NODAL: variants seen among roughly 807,000 people sequenced by gnomAD.
The protein encoded by NODAL is nodal homolog.
A neutral mutation model predicts 34.0 loss-of-function variants in NODAL; 12 were observed. The ratio of observed to expected loss-of-function variants is 0.35; its 90% CI spans 0.23 to 0.57. The LOEUF is 0.57. NODAL is among the 20% of genes least tolerant of loss of function. The pLI is 0.83. For synonymous variants in NODAL, 162 were observed against 186.4 expected (o/e 0.87, Z 1.07); for missense variants, 390 against 444.2 (o/e 0.88, Z 1.10).
intron 1 of NODAL, among the ~76,000 whole-genome samples, chr10:70,439,767 G>A (rs188426006): frequency 1.4e-3 from 207 of 152,282 alleles, no homozygotes; most frequent in African/African-American, 4.7e-3. Context: ...TGTGCCACAT[G>A]CCGCTGTACA....
At chr10:70,442,174 GT>G (rs1217297856), upstream of NODAL, among the ~76,000 whole-genome samples, 3 of 152,236 alleles carry the variant, frequency 2.0e-5, no homozygotes, top group African/African-American at 4.8e-5. Flanking sequence ...CCTGGCCACT[GT>G]CTAGATGGCC....
chr10:70,436,040 A>G, intron 1 of NODAL, 57 bp from the exon 2 acceptor site: 1 of 1,437,110 alleles, frequency 7.0e-7, no homozygotes, highest in Non-Finnish European at 9.8e-7. Flanking sequence ...CCCCAGCCTC[A>G]GTCAGTGTCA....
intron 2 of NODAL, chr10:70,434,851 C>T (rs969070394): frequency 5.0e-6 from 1 of 200,116 alleles, no homozygotes; most frequent in Admixed American, 5.3e-5. Flanking sequence ...CATTGCCCTC[C>T]TCATCTTACA....
rs138195571 is a variant in NODAL at position 70,435,961 on chromosome 10, G to T, written c.216C>A (p.Asn72Lys). 2.5e-6 allele frequency: 4 copies of T among 1,614,050 alleles called. No homozygotes were observed. The Admixed American group carries it at 5.0e-5, about 20-fold the overall frequency. ...QAEDVAVDGQ[N>K]WTFAFDFSFL... ...AGGAGAAGTCAAAAGCAAACGTCCA[G>T]TTCTGCCCATCCACTGCCACATCTG... is the stretch of plus-strand genomic sequence containing the variant. The change falls in exon 2 of 3, where the codon AAC (asparagine) becomes AAA (lysine). Residue 72 changes from asparagine (N) to lysine (K), a missense_variant. Asn to Lys is a moderately conservative substitution (Grantham distance 94). Transcript: ENST00000287139.
At chr10:70,434,892 C>T in intron 2 of NODAL, 1 of 202,908 alleles carries the variant, frequency 4.9e-6, no homozygotes, top group Non-Finnish European at 1.0e-5. Context: ...AGAGAATAAG[C>T]AACCTAAACA....
At position 70,447,802 on chromosome 10, in the gene NODAL, T is replaced by C. The variant is rs192557978; in HGVS notation, c.28+122A>G. 14 of 455,070 alleles carry C rather than the reference T, an allele frequency of 3.1e-5. 1 individual carries two copies. In the Admixed American group the frequency reaches 3.4e-4, roughly 11 times the overall value. 28.2% of individuals were successfully genotyped at this position (455,070 alleles called of 1,614,324 possible). The stretch of plus-strand genomic sequence containing the variant: ...CCTAGGAGCAGGGGTGACCCCTGAC[T>C]CCTTTCTCTCTGAGGCCCCAGCCCC... On this transcript the variant is annotated intron_variant, in intron 1 of 2. Transcript: ENST00000414871.
chr10:70,447,077 T>TC (rs111518997), intron 1 of NODAL, among the ~76,000 whole-genome samples: 53,969 of 132,856 alleles, frequency 0.41, 11,442 homozygotes, highest in East Asian at 0.63. Context: ...TTCTTCTTCT[T>TC]TTTTTTTTTT....
rs757195390 is a variant in NODAL at position 70,435,496 on chromosome 10, C to T, written c.681G>A (p.Leu227=). The T allele has an allele frequency of 2.5e-6, 4 of 1,614,160 alleles. No individual in the cohort carries two copies. Among genetic ancestry groups the T allele is most frequent in the Non-Finnish European group, 3.4e-6 (4 of 1,180,044 alleles). The change falls in exon 2 of 3, where the codon CTG becomes CTA. Residue 227 remains leucine (L), a synonymous_variant. Coordinates refer to ENST00000287139, the MANE Select transcript of NODAL (RefSeq NM_018055.5). ...GGTGCCTCTTGCCCCACTCCCAGGA[C>T]AGCTGTCCCTCCTGGGCCCGCCAGG... ...ESSWRAQEGQ[L]SWEWGKRHRR...
rs1441391199 is a variant in NODAL, at chr10:70,441,615, T to G, written c.53A>C (p.Gln18Pro). The change falls in exon 1 of 3, where the codon CAG becomes CCG. Residue 18 changes from glutamine (Q) to proline (P), a missense_variant. Transcript: ENST00000287139. ...AGTGGCCACCGTCGCAGCACCCGCC[T>G]GGAGTAGGGCCCACCAGGCGTGCAG... ...FLLHAWWALLQAGAATVATAL... is the reference protein window; with the variant it reads ...FLLHAWWALLPAGAATVATAL... The G allele has an allele frequency of 6.4e-7, 1 of 1,553,370 alleles. No homozygotes were observed. The highest frequency in any genetic ancestry group is 2.4e-5 in the East Asian group (1 of 41,200).
At chr10:70,445,348 C>T (rs1845476884), upstream of NODAL, among the ~76,000 whole-genome samples, 1 of 152,312 alleles carries the variant, frequency 6.6e-6, no homozygotes, top group East Asian at 1.9e-4. Context: ...AACTCCGCCT[C>T]CTGGGTTCAC....
At chr10:70,439,595 C>T (rs1353591816) in intron 1 of NODAL, among the ~76,000 whole-genome samples, 1 of 152,128 alleles carries the variant, frequency 6.6e-6, no homozygotes, top group African/African-American at 2.4e-5. Context: ...AGATGTAAAC[C>T]CAATTGGACT....
At chr10:70,439,621 T>C (rs889146280) in intron 1 of NODAL, among the ~76,000 whole-genome samples, 4 of 152,234 alleles carry the variant, frequency 2.6e-5, no homozygotes, top group African/African-American at 7.2e-5. Context: ...ATCCCTTTCA[T>C]GCAACTGCGG....
chr10:70,441,412 G>T, intron 1 of NODAL, 63 bp downstream of exon 1: 1 of 1,518,086 alleles, frequency 6.6e-7, no homozygotes, highest in Non-Finnish European at 8.9e-7. Flanking sequence ...CGAGTCCGCT[G>T]GCTGGACGCG....
At chr10:70,442,559 A>G (rs532365494), upstream of NODAL, among the ~76,000 whole-genome samples, 1 of 152,186 alleles carries the variant, frequency 6.6e-6, no homozygotes, top group Admixed American at 6.5e-5. Flanking sequence ...AAGTCAAATC[A>G]GGGCTGGAAT....
chr10:70,443,385 T>G (rs1845453408), upstream of NODAL, among the ~76,000 whole-genome samples: 1 of 152,164 alleles, frequency 6.6e-6, no homozygotes, highest in South Asian at 2.1e-4. Context: ...ACCCAAAAAA[T>G]CTGTGTTAAG....
In NODAL at chr10:70,447,075, CTT is replaced by C. The variant is rs752664373; in HGVS notation, c.28+847_28+848del. Reference sequence around the variant, plus strand: ...AATTTAGCAGAGCCCTCTTCTTCTTCTTTTTTTTTTTTTTTTTGAGATGGAAT... The same window carrying C: ...AATTTAGCAGAGCCCTCTTCTTCTTCTTTTTTTTTTTTTTTGAGATGGAAT... On this transcript the variant is annotated intron_variant, in intron 1 of 2. Coordinates refer to the NODAL transcript ENST00000414871. Among the ~76,000 whole-genome samples the C allele has an allele frequency of 2.0e-4, 27 of 134,720 alleles. No homozygotes were observed. In the South Asian group the frequency reaches 3.1e-3, roughly 15 times the overall value. The allele number at this position is 134,720 out of a possible 152,430, so 88.4% of individuals were successfully genotyped here. A position where few individuals can be genotyped will look rare whatever the true frequency, so the allele number is the denominator to read the frequency against.
chr10:70,444,615 A>T (rs1488218366), upstream of NODAL, among the ~76,000 whole-genome samples: 1 of 152,142 alleles, frequency 6.6e-6, no homozygotes, highest in African/African-American at 2.4e-5. Flanking sequence ...GATTACAGGC[A>T]TGAGCCTGGC....
chr10:70,432,105 C>A lies in NODAL; in HGVS notation c.*831G>T, dbSNP rs1589151122. Among the ~76,000 whole-genome samples, 1 of 152,246 alleles carries A rather than the reference C, an allele frequency of 6.6e-6. No homozygotes were observed. The highest frequency in any genetic ancestry group is 1.9e-4 in the East Asian group (1 of 5,204). On this transcript the variant is annotated 3_prime_UTR_variant, in exon 3 of 3. Coordinates refer to ENST00000287139, the MANE Select transcript of NODAL (RefSeq NM_018055.5). ...AGAGCAAGTATCTTGCCACCCAGGG[C>A]AAGGCCTTCACCACTGCTGGATAGG...
chr10:70,440,051 A>G (rs1015492021), intron 1 of NODAL, among the ~76,000 whole-genome samples: 5 of 152,232 alleles, frequency 3.3e-5, no homozygotes, highest in Admixed American at 6.5e-5. Flanking sequence ...CAGCCTGGGC[A>G]ACAGAGGGAG....
Sources: allele counts gnomAD v4.1 joint callset (sites outside exome capture counted in the v4.1 genomes callset), GRCh38; gene constraint gnomAD v4.1.1; transcripts MANE v1.5; gene names NCBI Gene and HGNC (gene_info 2026-07-23, HGNC 2026-07-21).